Variants in CAPNS2 observed in about 807,000 individuals in gnomAD.
The protein encoded by CAPNS2 is calpain small subunit 2.
In CAPNS2, 13 loss-of-function variants were observed where a neutral mutation model predicts 17.5. That is an observed-to-expected ratio of 0.74 (90% confidence interval 0.48 to 1.18). CAPNS2 has a LOEUF of 1.18. CAPNS2 is among the 50% of genes most tolerant of loss of function. CAPNS2 has a pLI of 0.00. For synonymous variants in CAPNS2, 101 were observed against 108.2 expected (o/e 0.93, Z 0.41); for missense variants, 279 against 301.6 (o/e 0.93, Z 0.55).
In CAPNS2 at chr16:55,567,484, A is replaced by T. The variant is rs768938494; in HGVS notation, c.728A>T (p.Gln243Leu). The change falls in exon 1 of 1, where the codon CAG becomes CTG. Residue 243 changes from glutamine to leucine, a missense_variant. By Grantham distance (113) the Gln-to-Leu change is moderately radical (BLOSUM62 -2). Transcript: ENST00000457326. ...LIQVSIKEWL[Q>L]LTMYS Reference sequence around the variant, plus strand: ...CAAGTGTCTATCAAAGAATGGCTGCAGTTGACCATGTATTCCTGAAGTGGG... The same window carrying T: ...CAAGTGTCTATCAAAGAATGGCTGCTGTTGACCATGTATTCCTGAAGTGGG... The T allele has an allele frequency of 9.9e-6, 16 of 1,613,268 alleles. No individual in the cohort carries two copies. Among genetic ancestry groups the T allele is most frequent in the Non-Finnish European group, 1.3e-5 (15 of 1,179,500 alleles).
At position 55,567,664 on chromosome 16, in the gene CAPNS2, T is replaced by A. The variant is rs988330193; in HGVS notation, c.*161T>A. Reference sequence around the variant, plus strand: ...TCATGTGCTGCCTTTTACTGCTGAATTAAAACAGATATTTCACGAAAAATG... The same window carrying A: ...TCATGTGCTGCCTTTTACTGCTGAAATAAAACAGATATTTCACGAAAAATG... On this transcript the variant is annotated 3_prime_UTR_variant, in exon 1 of 1. Coordinates refer to ENST00000457326, the MANE Select transcript of CAPNS2 (RefSeq NM_032330.3). The A allele has an allele frequency of 1.4e-6, 1 of 694,630 alleles. No homozygotes were observed. The highest frequency in any genetic ancestry group is 1.8e-5 in the African/African-American group (1 of 55,624). The allele number at this position is 694,630 out of a possible 1,614,324, so 43.0% of individuals were successfully genotyped here. A position where few individuals can be genotyped will look rare whatever the true frequency, so the allele number is the denominator to read the frequency against.
rs574187072 is a variant in CAPNS2 at position 55,567,412 on chromosome 16, T to C, written c.656T>C (p.Met219Thr). Residue 219 changes from methionine (M) to threonine (T), a missense_variant, in exon 1 of 1, where the codon ATG becomes ACG. Physicochemically the swap from Met to Thr is moderately conservative, Grantham distance 81 (BLOSUM62 -1). Coordinates refer to ENST00000457326, the MANE Select transcript of CAPNS2 (RefSeq NM_032330.3). ...AGCTGCTTGGTCCGCCTGGATGCCA[T>C]GTTTCGTGCCTTCAAGTCTCTGGAT... ...FISCLVRLDA[M>T]FRAFKSLDRD... 1 of 1,613,854 alleles carries C rather than the reference T, an allele frequency of 6.2e-7. No individual in the cohort carries two copies. Among genetic ancestry groups the C allele is most frequent in the South Asian group, 1.1e-5 (1 of 91,088 alleles).
Position 55,567,365 on chromosome 16 carries a change from T to C in CAPNS2, c.609T>C (p.Asp203=), listed in dbSNP as rs765816811. 3 of 1,613,628 alleles carry C rather than the reference T, an allele frequency of 1.9e-6. No individual in the cohort carries two copies. In the African/African-American group the frequency reaches 4.0e-5, roughly 22 times the overall value. The change falls in exon 1 of 1, where the codon GAT becomes GAC. Residue 203 remains aspartate (D), a synonymous_variant. Transcript: ENST00000457326. ...IVRRYANEDG[D]MDFNNFISCL... ...GCCGGTATGCTAATGAAGATGGAGATATGGATTTTAACAATTTCATCAGCT... is the reference window on the plus strand; with the variant it reads ...GCCGGTATGCTAATGAAGATGGAGACATGGATTTTAACAATTTCATCAGCT...
At position 55,566,740 on chromosome 16, in the gene CAPNS2, C is replaced by G; in HGVS notation, c.-17C>G. On this transcript the variant is annotated 5_prime_UTR_variant, in exon 1 of 1. Transcript: ENST00000457326. ...ATCTCTAAGATTGCTGCCGCATTTG[C>G]TTGTTAAACTGAAAGCATGTTTCTT... is the stretch of plus-strand genomic sequence containing the variant. The G allele has an allele frequency of 1.3e-6, 2 of 1,589,222 alleles. No homozygotes were observed. The highest frequency in any genetic ancestry group is 2.2e-5 in the East Asian group (1 of 44,632).
chr16:55,566,803 G>A lies in CAPNS2; in HGVS notation c.47G>A (p.Gly16Glu). ...TTGGAAGGAGCAGATCGAGGTCTTGGAGAAGCTCTTGGAGGCCTCTTTGGA... is the reference window on the plus strand; with the variant it reads ...TTGGAAGGAGCAGATCGAGGTCTTGAAGAAGCTCTTGGAGGCCTCTTTGGA... ...ALLEGADRGL[G>E]EALGGLFGGG... Residue 16 changes from glycine to glutamate, a missense_variant, in exon 1 of 1, where the codon GGA (glycine) becomes GAA (glutamate). Transcript: ENST00000457326. 6.2e-7 allele frequency: 1 copy of A among 1,613,788 alleles called. No individual in the cohort carries two copies. Among genetic ancestry groups the A allele is most frequent in the Non-Finnish European group, 8.5e-7 (1 of 1,179,836 alleles).
rs1396104965 is a variant in CAPNS2, at chr16:55,567,644, T to A, written c.*141T>A. 3.6e-6 allele frequency: 3 copies of A among 824,686 alleles called. No individual in the cohort carries two copies. The Admixed American group carries it at 8.3e-5, about 23-fold the overall frequency. 51.1% of individuals were successfully genotyped at this position (824,686 alleles called of 1,614,324 possible). Reference sequence around the variant, plus strand: ...ACAACCCTACATATTTCTGATCATGTGCTGCCTTTTACTGCTGAATTAAAA... The same window carrying A: ...ACAACCCTACATATTTCTGATCATGAGCTGCCTTTTACTGCTGAATTAAAA... On this transcript the variant is annotated 3_prime_UTR_variant, in exon 1 of 1. Coordinates refer to ENST00000457326, the MANE Select transcript of CAPNS2 (RefSeq NM_032330.3).
chr16:55,566,906 G>A lies in CAPNS2; in HGVS notation c.150G>A (p.Glu50=), dbSNP rs767810947. ...GAGGAATTGTGAATTTTATCAGTGA[G>A]GCTGCAGCAGCTCAGTATACTCCAG... The part of the protein sequence containing the change: ...IVGGIVNFIS[E]AAAAQYTPEP... The change falls in exon 1 of 1, where the codon GAG becomes GAA. Residue 50 remains glutamate, a synonymous_variant. Transcript: ENST00000457326. The A allele has an allele frequency of 1.9e-6, 3 of 1,613,840 alleles. No homozygotes were observed. In the East Asian group the frequency reaches 6.7e-5, roughly 36 times the overall value.
In CAPNS2 at chr16:55,567,202, A is replaced by G; in HGVS notation, c.446A>G (p.Asn149Ser). 6.2e-7 allele frequency: 1 copy of G among 1,613,868 alleles called. No homozygotes were observed. Among genetic ancestry groups the G allele is most frequent in the Non-Finnish European group, 8.5e-7 (1 of 1,179,828 alleles). The change falls in exon 1 of 1, where the codon AAC becomes AGC. Residue 149 changes from asparagine (N) to serine (S), a missense_variant. By Grantham distance (46) the Asn-to-Ser change is conservative. Transcript: ENST00000457326. ...TTTGAAGAATTTAAGTATCTGTGGA[A>G]CAACATCAAGAAATGGCAGTGTGTT... is the stretch of plus-strand genomic sequence containing the variant. ...LGFEEFKYLW[N>S]NIKKWQCVYK...
In CAPNS2 at chr16:55,567,294, G is replaced by A; in HGVS notation, c.538G>A (p.Ala180Thr). The A allele has an allele frequency of 6.2e-7, 1 of 1,613,640 alleles. No individual in the cohort carries two copies. Among genetic ancestry groups the A allele is most frequent in the South Asian group, 1.1e-5 (1 of 91,084 alleles). ...TTCTCAGCTGCGGGGAGCTCTGCAG[G>A]CCGCAGGCTTCCAGCTAAATGAACA... The part of the protein sequence containing the change: ...GSSQLRGALQ[A>T]AGFQLNEQLY... The change falls in exon 1 of 1, where the codon GCC becomes ACC. Residue 180 changes from alanine (A) to threonine (T), a missense_variant. Physicochemically the swap from Ala to Thr is moderately conservative, Grantham distance 58. Coordinates refer to ENST00000457326, the MANE Select transcript of CAPNS2 (RefSeq NM_032330.3).
In CAPNS2 at chr16:55,567,283, G is replaced by A. The variant is rs1963713663; in HGVS notation, c.527G>A (p.Gly176Glu). ...SGSLGSSQLR[G>E]ALQAAGFQLN... Reference sequence around the variant, plus strand: ...TCTCTGGGAAGTTCTCAGCTGCGGGGAGCTCTGCAGGCCGCAGGCTTCCAG... The same window carrying A: ...TCTCTGGGAAGTTCTCAGCTGCGGGAAGCTCTGCAGGCCGCAGGCTTCCAG... The change falls in exon 1 of 1, where the codon GGA (glycine) becomes GAA (glutamate). Residue 176 changes from glycine to glutamate, a missense_variant. By Grantham distance (98) the Gly-to-Glu change is moderately conservative. Transcript: ENST00000457326. 3 of 1,613,644 alleles carry A rather than the reference G, an allele frequency of 1.9e-6. No individual in the cohort carries two copies. Among genetic ancestry groups the A allele is most frequent in the Non-Finnish European group, 2.5e-6 (3 of 1,179,858 alleles).
chr16:55,567,153 A>G lies in CAPNS2; in HGVS notation c.397A>G (p.Ser133Gly), dbSNP rs755730034. Residue 133 changes from serine to glycine, a missense_variant, in exon 1 of 1, where the codon AGT becomes GGT. Coordinates refer to ENST00000457326, the MANE Select transcript of CAPNS2 (RefSeq NM_032330.3). ...TCRSIVSVMD[S>G]DTTGKLGFEE... ...CCGGAGCATTGTGTCTGTCATGGACAGTGACACGACTGGTAAGCTGGGCTT... is the reference window on the plus strand; with the variant it reads ...CCGGAGCATTGTGTCTGTCATGGACGGTGACACGACTGGTAAGCTGGGCTT... 67 of 1,613,936 alleles carry G rather than the reference A, an allele frequency of 4.2e-5. No individual in the cohort carries two copies. The East Asian group carries it at 1.2e-3, about 28-fold the overall frequency.
rs750104707 is a variant in CAPNS2, at chr16:55,567,142, C to T, written c.386C>T (p.Ser129Phe). Residue 129 changes from serine (S) to phenylalanine (F), a missense_variant, in exon 1 of 1, where the codon TCT (serine) becomes TTT (phenylalanine). Physicochemically the swap from Ser to Phe is radical, Grantham distance 155. Transcript: ENST00000457326. Reference protein sequence around the residue: ...FSLDTCRSIVSVMDSDTTGKL... With the variant: ...FSLDTCRSIVFVMDSDTTGKL... ...CTTGACACCTGCCGGAGCATTGTGT[C>T]TGTCATGGACAGTGACACGACTGGT... is the stretch of plus-strand genomic sequence containing the variant. 3 of 1,613,898 alleles carry T rather than the reference C, an allele frequency of 1.9e-6. No homozygotes were observed. Among genetic ancestry groups the T allele is most frequent in the Non-Finnish European group, 2.5e-6 (3 of 1,179,868 alleles).
chr16:55,566,933 A>T lies in CAPNS2; in HGVS notation c.177A>T (p.Glu59Asp). 6.2e-7 allele frequency: 1 copy of T among 1,613,808 alleles called. No individual in the cohort carries two copies. Among genetic ancestry groups the T allele is most frequent in the African/African-American group, 1.3e-5 (1 of 75,018 alleles). The change falls in exon 1 of 1, where the codon GAA becomes GAT. Residue 59 changes from glutamate (E) to aspartate (D), a missense_variant. Transcript: ENST00000457326. ...SEAAAAQYTPEPPPTQQHFTS... is the reference protein window; with the variant it reads ...SEAAAAQYTPDPPPTQQHFTS... ...CTGCAGCAGCTCAGTATACTCCAGA[A>T]CCGCCTCCCACTCAGCAGCATTTCA...
In CAPNS2 at chr16:55,567,665, T is replaced by A; in HGVS notation, c.*162T>A. On this transcript the variant is annotated 3_prime_UTR_variant, in exon 1 of 1. Coordinates refer to ENST00000457326, the MANE Select transcript of CAPNS2 (RefSeq NM_032330.3). ...CATGTGCTGCCTTTTACTGCTGAAT[T>A]AAAACAGATATTTCACGAAAAATGT... 1 of 690,440 alleles carries A rather than the reference T, an allele frequency of 1.4e-6. No individual in the cohort carries two copies. The highest frequency in any genetic ancestry group is 2.4e-6 in the Non-Finnish European group (1 of 412,056). 42.8% of individuals were successfully genotyped at this position (690,440 alleles called of 1,614,324 possible).
At position 55,567,258 on chromosome 16, in the gene CAPNS2, T is replaced by A; in HGVS notation, c.502T>A (p.Ser168Thr). 1 of 1,613,640 alleles carries A rather than the reference T, an allele frequency of 6.2e-7. No homozygotes were observed. Among genetic ancestry groups the A allele is most frequent in the Non-Finnish European group, 8.5e-7 (1 of 1,179,822 alleles). Residue 168 changes from serine (S) to threonine (T), a missense_variant, in exon 1 of 1, where the codon TCT (serine) becomes ACT (threonine). Ser to Thr is a moderately conservative substitution (Grantham distance 58). Transcript: ENST00000457326. Reference protein sequence around the residue: ...YKQYDRDHSGSLGSSQLRGAL... With the variant: ...YKQYDRDHSGTLGSSQLRGAL... Reference sequence around the variant, plus strand: ...GCAGTATGACAGGGACCATTCTGGGTCTCTGGGAAGTTCTCAGCTGCGGGG... The same window carrying A: ...GCAGTATGACAGGGACCATTCTGGGACTCTGGGAAGTTCTCAGCTGCGGGG...
chr16:55,566,704 T>C lies in CAPNS2; in HGVS notation c.-53T>C, dbSNP rs1393100283. 4 of 1,544,466 alleles carry C rather than the reference T, an allele frequency of 2.6e-6. No homozygotes were observed. The Admixed American group carries it at 8.1e-5, about 31-fold the overall frequency. ...AAACTACTTGAACTCCATTTCATCTTTTTTCATACCATCTCTAAGATTGCT... is the reference window on the plus strand; with the variant it reads ...AAACTACTTGAACTCCATTTCATCTCTTTTCATACCATCTCTAAGATTGCT... On this transcript the variant is annotated 5_prime_UTR_variant, in exon 1 of 1. Coordinates refer to ENST00000457326, the MANE Select transcript of CAPNS2 (RefSeq NM_032330.3).
In CAPNS2 at chr16:55,566,940, C is replaced by A. The variant is rs371505336; in HGVS notation, c.184C>A (p.Pro62Thr). ...AGCTCAGTATACTCCAGAACCGCCT[C>A]CCACTCAGCAGCATTTCACCAGTGT... ...AAAQYTPEPP[P>T]TQQHFTSVEA... The change falls in exon 1 of 1, where the codon CCC becomes ACC. Residue 62 changes from proline to threonine, a missense_variant. Transcript: ENST00000457326. The A allele has an allele frequency of 1.9e-5, 30 of 1,613,658 alleles. No homozygotes were observed. The highest frequency in any genetic ancestry group is 2.5e-5 in the Non-Finnish European group (29 of 1,179,874).
Position 55,566,911 on chromosome 16 carries a change from C to A in CAPNS2, c.155C>A (p.Ala52Glu). The A allele has an allele frequency of 1.2e-6, 2 of 1,613,850 alleles. No homozygotes were observed. The highest frequency in any genetic ancestry group is 1.7e-6 in the Non-Finnish European group (2 of 1,179,866). Residue 52 changes from alanine to glutamate, a missense_variant, in exon 1 of 1, where the codon GCA becomes GAA. Coordinates refer to ENST00000457326, the MANE Select transcript of CAPNS2 (RefSeq NM_032330.3). Reference sequence around the variant, plus strand: ...ATTGTGAATTTTATCAGTGAGGCTGCAGCAGCTCAGTATACTCCAGAACCG... The same window carrying A: ...ATTGTGAATTTTATCAGTGAGGCTGAAGCAGCTCAGTATACTCCAGAACCG... The part of the protein sequence containing the change: ...GGIVNFISEA[A>E]AAQYTPEPPP...
chr16:55,567,421 C>A lies in CAPNS2; in HGVS notation c.665C>A (p.Ala222Asp). ...GTCCGCCTGGATGCCATGTTTCGTG[C>A]CTTCAAGTCTCTGGATAGAGATAGA... ...CLVRLDAMFR[A>D]FKSLDRDRDG... Residue 222 changes from alanine to aspartate, a missense_variant, in exon 1 of 1, where the codon GCC (alanine) becomes GAC (aspartate). Physicochemically the swap from Ala to Asp is moderately radical, Grantham distance 126. Coordinates refer to ENST00000457326, the MANE Select transcript of CAPNS2 (RefSeq NM_032330.3). 2 of 1,613,776 alleles carry A rather than the reference C, an allele frequency of 1.2e-6. No individual in the cohort carries two copies. The highest frequency in any genetic ancestry group is 1.7e-6 in the Non-Finnish European group (2 of 1,179,794).
Sources: gnomAD v4.1 joint callset for allele counts on GRCh38, gnomAD v4.1.1 for gene constraint, MANE v1.5 for transcripts, NCBI Gene and HGNC (gene_info 2026-07-23, HGNC 2026-07-21) for gene names.